The following ZNF684 variants were observed in gnomAD, a reference collection of about 807,000 sequenced individuals.
ZNF684 encodes the protein hypothetical protein MGC27466.
In ZNF684, 13 loss-of-function variants were observed where a neutral mutation model predicts 12.8. The observed-to-expected ratio is 1.02, with a 90% confidence interval of 0.66 to 1.62. The LOEUF is 1.62. Ranked by LOEUF, ZNF684 falls within the 40% of genes most tolerant of loss-of-function variation. The pLI is 0.00. For missense variants in ZNF684, 384 were observed against 446.9 expected, an observed-to-expected ratio of 0.86 and a Z score of 1.27; for synonymous variants, 118 against 151.8, an observed-to-expected ratio of 0.78 and a Z score of 1.64.
At chr1:40,539,829 C>T (rs1255912099) in intron 2 of ZNF684, among the ~76,000 whole-genome samples, 1 of 151,666 alleles carries the variant, frequency 6.6e-6, no homozygotes, top group Non-Finnish European at 1.5e-5. Flanking sequence ...AACACAGATA[C>T]ATAGATACAT....
At chr1:40,542,503 T>G (rs947567804) in intron 4 of ZNF684, among the ~76,000 whole-genome samples, 2 of 152,180 alleles carry the variant, frequency 1.3e-5, no homozygotes, top group African/African-American at 4.8e-5. Context: ...TTCTTACTGC[T>G]TATTCACCTT....
At chr1:40,541,454 A>G (rs1403098805) in intron 3 of ZNF684, 161 bp from the exon 4 acceptor site, 1 of 525,580 alleles carries the variant, frequency 1.9e-6, no homozygotes, top group African/African-American at 1.9e-5. Context: ...AAGTGTTCGG[A>G]TTACAGGCGT....
At position 40,536,962 on chromosome 1, in the gene ZNF684, C is replaced by T. The variant is rs998451507; in HGVS notation, c.16-3624C>T. On this transcript the variant is annotated intron_variant, in intron 2 of 4. Transcript: ENST00000372699. ...AAGTCTTTGCTATTGTGAATAATGC[C>T]GCAATAAACATACGTGTGCATGTGT... is the stretch of plus-strand genomic sequence containing the variant. Among the ~76,000 whole-genome samples the T allele has an allele frequency of 1.4e-4, 21 of 151,652 alleles. 1 individual carries two copies. In the South Asian group the frequency reaches 1.7e-3, roughly 12 times the overall value.
rs1557614368 is a variant in ZNF684 at position 40,546,873 on chromosome 1, AAAAAACC to A, written c.551_557del (p.Lys184IlefsTer77). On this transcript the variant is annotated frameshift_variant, in exon 5 of 5. Coordinates refer to ENST00000372699, the MANE Select transcript of ZNF684 (RefSeq NM_152373.4). LOFTEE classifies it low-confidence loss of function (END_TRUNC). Reference sequence around the variant, plus strand: ...TAGACATGAAAAAAATCATACAAGGAAAAAACCTTTTGAATGCAATGACTGTGGAAAA... The same window carrying A: ...TAGACATGAAAAAAATCATACAAGGATTTTGAATGCAATGACTGTGGAAAA... 6.2e-7 allele frequency: 1 copy of A among 1,613,644 alleles called. No individual in the cohort carries two copies. Among genetic ancestry groups the A allele is most frequent in the Non-Finnish European group, 8.5e-7 (1 of 1,179,926 alleles).
intron 2 of ZNF684, among the ~76,000 whole-genome samples, chr1:40,538,541 G>C (rs1383454474): frequency 6.6e-6 from 1 of 152,068 alleles, no homozygotes; most frequent in African/African-American, 2.4e-5. Flanking sequence ...GGATTGCTGG[G>C]TTATATGGTT....
intron 2 of ZNF684, among the ~76,000 whole-genome samples, chr1:40,535,796 C>G (rs148971568): frequency 1.3e-5 from 2 of 152,190 alleles, no homozygotes; most frequent in African/African-American, 2.4e-5. Flanking sequence ...TGGAATAAAC[C>G]CTTCCTAGTC....
In ZNF684 at chr1:40,540,583, C is replaced by A; in HGVS notation, c.16-3C>A. The stretch of plus-strand genomic sequence containing the variant: ...TAGTTTGAAGATAAATGTGCTGTTA[C>A]AGGAATCAGTGACATTCCAGGATGT... On this transcript the variant is annotated splice_polypyrimidine_tract_variant and splice_region_variant and intron_variant, in intron 2 of 4. Coordinates refer to ENST00000372699, the MANE Select transcript of ZNF684 (RefSeq NM_152373.4). The A allele has an allele frequency of 6.3e-7, 1 of 1,592,372 alleles. No individual in the cohort carries two copies. The highest frequency in any genetic ancestry group is 8.5e-7 in the Non-Finnish European group (1 of 1,170,332).
In ZNF684 at chr1:40,541,951, A is replaced by G. The variant is rs1200805329; in HGVS notation, c.238+241A>G. Reference sequence around the variant, plus strand: ...TCTCCTGTCTCCTCAGGCTTCTCACACTGCCTGTTTCATCTAGGTCCTTGC... The same window carrying G: ...TCTCCTGTCTCCTCAGGCTTCTCACGCTGCCTGTTTCATCTAGGTCCTTGC... On this transcript the variant is annotated intron_variant, in intron 4 of 4. Coordinates refer to ENST00000372699, the MANE Select transcript of ZNF684 (RefSeq NM_152373.4). Among the ~76,000 whole-genome samples, 3 of 152,142 alleles carry G rather than the reference A, an allele frequency of 2.0e-5. No individual in the cohort carries two copies. The East Asian group carries it at 5.8e-4, about 29-fold the overall frequency.
intron 4 of ZNF684, among the ~76,000 whole-genome samples, chr1:40,542,434 G>T (rs975943628): frequency 6.6e-6 from 1 of 151,986 alleles, no homozygotes; most frequent in Non-Finnish European, 1.5e-5. Flanking sequence ...TGGTAATATT[G>T]ATAACTTTTT....
At chr1:40,541,030 CAAAAA>C (rs57200329) in intron 3 of ZNF684, among the ~76,000 whole-genome samples, 2 of 79,396 alleles carry the variant, frequency 2.5e-5, no homozygotes, top group African/African-American at 4.1e-5. Flanking sequence ...GACCCTATCT[CAAAAA>C]AAAAAAAAAA....
chr1:40,539,866 A>G (rs1329715054), intron 2 of ZNF684, among the ~76,000 whole-genome samples: 1 of 151,920 alleles, frequency 6.6e-6, no homozygotes, highest in Non-Finnish European at 1.5e-5. Context: ...ATATCTATAT[A>G]TAGATATATA....
intron 4 of ZNF684, 28 bp from the exon 5 acceptor site, chr1:40,546,534 A>G: frequency 6.7e-7 from 1 of 1,502,930 alleles, no homozygotes; most frequent in Non-Finnish European, 8.9e-7. Context: ...AAAAGTAACT[A>G]GGAATGTTTT....
chr1:40,546,207 C>A (rs6673386), intron 4 of ZNF684, among the ~76,000 whole-genome samples: 50 of 151,974 alleles, frequency 3.3e-4, no homozygotes, highest in Admixed American at 2.6e-3. Flanking sequence ...AGGCGTGAGC[C>A]GCCATGCCTG....
intron 2 of ZNF684, among the ~76,000 whole-genome samples, chr1:40,535,374 T>G (rs1189481868): frequency 1.3e-5 from 2 of 151,834 alleles, no homozygotes; most frequent in African/African-American, 2.4e-5. Flanking sequence ...AATACTGTAT[T>G]TTTTTTTATC....
At chr1:40,535,074 T>G (rs562156629) in intron 2 of ZNF684, among the ~76,000 whole-genome samples, 8 of 152,204 alleles carry the variant, frequency 5.3e-5, no homozygotes, top group Non-Finnish European at 1.0e-4. Context: ...TTTAGTTGAT[T>G]CTTCTATTTC....
In ZNF684 at chr1:40,546,858, A is replaced by G; in HGVS notation, c.535A>G (p.Lys179Glu). ...KKKFHFIRHEKNHTRKKPFEC... is the reference protein window; with the variant it reads ...KKKFHFIRHEENHTRKKPFEC... ...GAAGTTTCATTTCATTAGACATGAAAAAAATCATACAAGGAAAAAACCTTT... is the reference window on the plus strand; with the variant it reads ...GAAGTTTCATTTCATTAGACATGAAGAAAATCATACAAGGAAAAAACCTTT... Residue 179 changes from lysine to glutamate, a missense_variant, in exon 5 of 5, where the codon AAA becomes GAA. Coordinates refer to ENST00000372699, the MANE Select transcript of ZNF684 (RefSeq NM_152373.4). The G allele has an allele frequency of 6.2e-7, 1 of 1,613,172 alleles. No individual in the cohort carries two copies. Among genetic ancestry groups the G allele is most frequent in the Non-Finnish European group, 8.5e-7 (1 of 1,179,828 alleles).
At chr1:40,546,453 T>C (rs140490698) in intron 4 of ZNF684, 109 bp from the exon 5 acceptor site, 11 of 1,120,028 alleles carry the variant, frequency 9.8e-6, no homozygotes, top group Middle Eastern at 2.9e-4. Flanking sequence ...GAGGCAAATA[T>C]AAGATTTCTT....
rs767635878 is a variant in ZNF684, at chr1:40,547,464, T to A, written c.*4T>A. ...ACATCAGAAAATTCATACATAATATTCACTTTATGAATATGAGAAGGCCTT... is the reference window on the plus strand; with the variant it reads ...ACATCAGAAAATTCATACATAATATACACTTTATGAATATGAGAAGGCCTT... On this transcript the variant is annotated 3_prime_UTR_variant, in exon 5 of 5. Coordinates refer to ENST00000372699, the MANE Select transcript of ZNF684 (RefSeq NM_152373.4). 7 of 1,589,540 alleles carry A rather than the reference T, an allele frequency of 4.4e-6. No homozygotes were observed. In the African/African-American group the frequency reaches 9.5e-5, roughly 21 times the overall value.
At chr1:40,537,289 G>C (rs976358922) in intron 2 of ZNF684, among the ~76,000 whole-genome samples, 3 of 152,208 alleles carry the variant, frequency 2.0e-5, no homozygotes, top group African/African-American at 7.2e-5. Flanking sequence ...AGATCCCTGA[G>C]AGGAGTAATA....
Sources: allele counts gnomAD v4.1 joint callset (sites outside exome capture counted in the v4.1 genomes callset), GRCh38; gene constraint gnomAD v4.1.1; transcripts MANE v1.5; gene names NCBI Gene and HGNC (gene_info 2026-07-23, HGNC 2026-07-21).